SEC11C: variants seen among roughly 807,000 people sequenced by gnomAD.
The protein encoded by SEC11C is SEC11 homolog C, signal peptidase complex subunit.
Under a neutral mutation model 21.9 loss-of-function variants are expected in SEC11C, and 10 were observed. The observed-to-expected ratio is 0.46, with a 90% CI of 0.28 to 0.77. The LOEUF is 0.77. Among genes scored for constraint, SEC11C ranks in the 30% least tolerant of loss-of-function variants. The pLI, the probability that SEC11C is intolerant of heterozygous loss-of-function variation, is 0.12. For missense variants in SEC11C, 145 were observed against 244.5 expected (o/e 0.59, Z 2.71); for synonymous variants, 83 against 85.6 (o/e 0.97, Z 0.17).
chr18:59,146,009 C>G (rs540384840), intron 1 of SEC11C, among the ~76,000 whole-genome samples: 2 of 152,312 alleles, frequency 1.3e-5, no homozygotes, highest in East Asian at 3.9e-4. Flanking sequence ...CACCTAACAA[C>G]GCATTTTTCA....
chr18:59,152,341 T>C (rs1388331599), intron 2 of SEC11C, among the ~76,000 whole-genome samples, 195 bp from the exon 3 acceptor site: 2 of 152,164 alleles, frequency 1.3e-5, no homozygotes, highest in African/African-American at 2.4e-5. Flanking sequence ...TCAGTGCTCA[T>C]GACATGTTAA....
rs775914814 is a variant in SEC11C, at chr18:59,152,529, T to C, written c.198-7T>C. ...AATGCTGATACTGACTTTGTGCTTC[T>C]TTCCAGTGGCAGTATGGAGCCGGCC... On this transcript the variant is annotated splice_polypyrimidine_tract_variant and splice_region_variant and intron_variant, in intron 2 of 5. Transcript: ENST00000587834. 7.5e-6 allele frequency: 12 copies of C among 1,594,404 alleles called. No homozygotes were observed. Among genetic ancestry groups the C allele is most frequent in the Non-Finnish European group, 8.5e-7 (1 of 1,173,792 alleles).
chr18:59,152,404 A>C (rs760164259), intron 2 of SEC11C, 132 bp from the exon 3 acceptor site: 11 of 908,236 alleles, frequency 1.2e-5, no homozygotes, highest in Non-Finnish European at 1.6e-5. Flanking sequence ...AGCAGTTAAG[A>C]AGGAAGCCAC....
In SEC11C at chr18:59,157,639, A is replaced by G; in HGVS notation, c.499A>G (p.Ile167Val). Residue 167 changes from isoleucine (I) to valine (V), a missense_variant, in exon 5 of 6, where the codon ATA becomes GTA. Transcript: ENST00000587834. ...FLPYVGMVTI[I>V]MNDYPKFKYA... ...ACCATATGTTGGTATGGTCACCATAATAATGAATGACTATCCAAAATTCAA... is the reference window on the plus strand; with the variant it reads ...ACCATATGTTGGTATGGTCACCATAGTAATGAATGACTATCCAAAATTCAA... 2 of 1,606,778 alleles carry G rather than the reference A, an allele frequency of 1.2e-6. No homozygotes were observed. Among genetic ancestry groups the G allele is most frequent in the South Asian group, 2.2e-5 (2 of 90,904 alleles).
intron 3 of SEC11C, among the ~76,000 whole-genome samples, chr18:59,153,865 C>G (rs970167093): frequency 4.6e-5 from 7 of 152,224 alleles, no homozygotes; most frequent in South Asian, 2.1e-4. Context: ...TGCCACCACA[C>G]CCGGCTAATT....
At chr18:59,155,315 A>G (rs1456836223) in intron 3 of SEC11C, among the ~76,000 whole-genome samples, 1 of 152,240 alleles carries the variant, frequency 6.6e-6, no homozygotes, top group Non-Finnish European at 1.5e-5. Flanking sequence ...GAATGACACT[A>G]ATACACTTGT....
chr18:59,156,426 A>C (rs2069418797), intron 4 of SEC11C: 1 of 152,192 alleles, frequency 6.6e-6, no homozygotes, highest in Non-Finnish European at 1.5e-5. Context: ...TCAAATCTAC[A>C]TCTGTATCTT....
At position 59,157,597 on chromosome 18, in the gene SEC11C, C is replaced by T. The variant is rs79808580; in HGVS notation, c.468-11C>T. The stretch of plus-strand genomic sequence containing the variant: ...GCTTTTATATCTCTTGCTTTTTATC[C>T]CACAATTTAGGTTTTTACCATATGT... On this transcript the variant is annotated splice_polypyrimidine_tract_variant and intron_variant, in intron 4 of 5. Transcript: ENST00000587834. 6 of 1,593,220 alleles carry T rather than the reference C, an allele frequency of 3.8e-6. No individual in the cohort carries two copies. In the South Asian group the frequency reaches 6.6e-5, roughly 18 times the overall value.
intron 1 of SEC11C, among the ~76,000 whole-genome samples, chr18:59,140,965 T>C (rs1441647012): frequency 6.6e-6 from 1 of 152,212 alleles, no homozygotes; most frequent in African/African-American, 2.4e-5. Context: ...CCACTATTGC[T>C]ACTAATAAAT....
intron 1 of SEC11C, among the ~76,000 whole-genome samples, chr18:59,140,355 G>C (rs536593359): frequency 5.3e-5 from 8 of 152,334 alleles, no homozygotes; most frequent in Admixed American, 4.6e-4. Context: ...ACAGCTCTCT[G>C]AGCGTATTTG....
intron 1 of SEC11C, among the ~76,000 whole-genome samples, chr18:59,143,887 T>C (rs2069240981): frequency 6.8e-6 from 1 of 148,012 alleles, no homozygotes. Context: ...AGTCTTGCTC[T>C]GTCACCCAGG....
intron 1 of SEC11C, 97 bp downstream of exon 1, chr18:59,140,132 C>A: frequency 9.0e-7 from 1 of 1,112,460 alleles, no homozygotes; most frequent in Non-Finnish European, 1.2e-6. Flanking sequence ...CCAGTGAATG[C>A]GGCCGGGCGG....
At chr18:59,141,664 C>CTTT (rs113985050) in intron 1 of SEC11C, among the ~76,000 whole-genome samples, 32 of 146,362 alleles carry the variant, frequency 2.2e-4, no homozygotes, top group South Asian at 8.7e-4. Context: ...AAAGCTTTGT[C>CTTT]TTTTTTTTTT....
At chr18:59,151,459 TC>T (rs769586031) in intron 2 of SEC11C, among the ~76,000 whole-genome samples, 1 of 152,164 alleles carries the variant, frequency 6.6e-6, no homozygotes, top group Non-Finnish European at 1.5e-5. Context: ...CTAGCCCTTT[TC>T]CCCCATCATT....
At chr18:59,152,888 G>T (rs540343137) in intron 3 of SEC11C, 2 of 425,662 alleles carry the variant, frequency 4.7e-6, no homozygotes, top group Admixed American at 4.1e-5. Context: ...GTGATTATGA[G>T]AATTAAATGA....
chr18:59,155,619 A>AC, intron 3 of SEC11C, 69 bp from the exon 4 acceptor site: 1 of 1,531,610 alleles, frequency 6.5e-7, no homozygotes, highest in Non-Finnish European at 8.9e-7. Context: ...AGTCTTGAGT[A>AC]AACTAATATT....
rs145350851 is a variant in SEC11C at position 59,148,457 on chromosome 18, A to G, written c.88-1056A>G. Among the ~76,000 whole-genome samples the G allele has an allele frequency of 6.4e-4, 98 of 152,338 alleles. 3 individuals carry two copies. In the East Asian group the frequency reaches 0.016, roughly 25 times the overall value. On this transcript the variant is annotated intron_variant, in intron 1 of 5. Transcript: ENST00000587834. ...TGCAGCAGGCAGCTGTCAGCAAGGA[A>G]GAGCCTGTGCTTCAGCCCATGCCAT...
intron 1 of SEC11C, among the ~76,000 whole-genome samples, chr18:59,145,041 C>CCCTACTTT (rs1378430427): frequency 1.3e-5 from 2 of 152,130 alleles, no homozygotes; most frequent in Non-Finnish European, 2.9e-5. Flanking sequence ...CTGAAATGAT[C>CCCTACTTT]CCTACTTTTG....
At position 59,139,982 on chromosome 18, in the gene SEC11C, C is replaced by T. The variant is rs1370859504; in HGVS notation, c.34C>T (p.Pro12Ser). Residue 12 changes from proline to serine, a missense_variant, in exon 1 of 6, where the codon CCC becomes TCC. Transcript: ENST00000587834. ...TGCGGGCGCCGTGGGGGCTCATCTC[C>T]CCGCGTCCGGCTTGGATATCTTCGG... is the stretch of plus-strand genomic sequence containing the variant. ...VRAGAVGAHLPASGLDIFGDL... is the reference protein window; with the variant it reads ...VRAGAVGAHLSASGLDIFGDL... 1.9e-6 allele frequency: 3 copies of T among 1,594,576 alleles called. No individual in the cohort carries two copies. The highest frequency in any genetic ancestry group is 2.6e-6 in the Non-Finnish European group (3 of 1,169,048).
Sources: gnomAD v4.1 joint callset for allele counts (sites outside exome capture counted in the v4.1 genomes callset) on GRCh38, gnomAD v4.1.1 for gene constraint, MANE v1.5 for transcripts, NCBI Gene and HGNC (gene_info 2026-07-23, HGNC 2026-07-21) for gene names.